PDIA5: variants seen among roughly 807,000 people sequenced by gnomAD.
The protein encoded by PDIA5 is protein disulfide-isomerase A5.
Under a neutral mutation model 77.6 loss-of-function variants are expected in PDIA5, and 58 were observed. The observed-to-expected ratio is 0.75, with a 90% CI of 0.61 to 0.93. The LOEUF is 0.93. Among genes scored for constraint, PDIA5 ranks in the 40% least tolerant of loss-of-function variants. PDIA5 has a pLI of 0.00. For synonymous variants in PDIA5, 250 were observed against 252.1 expected (o/e 0.99, Z 0.08); for missense variants, 630 against 647.7 (o/e 0.97, Z 0.30).
At chr3:123,151,807 T>TGCCTGCCTGGCCTGCCTTCCTGCCTG (rs1935907194) in intron 14 of PDIA5, among the ~76,000 whole-genome samples, 1 of 119,082 alleles carries the variant, frequency 8.4e-6, no homozygotes, top group Non-Finnish European at 1.7e-5. Flanking sequence ...CTGCCTGCCT[T>TGCCTGCCTGGCCTGCCTTCCTGCCTG]CCTGCCTGCC....
intron 1 of PDIA5, among the ~76,000 whole-genome samples, chr3:123,070,044 C>G (rs61701606): frequency 6.7e-6 from 1 of 149,104 alleles, no homozygotes; most frequent in Non-Finnish European, 1.5e-5. Context: ...GGGCTGAGAT[C>G]GCGCCACTGC....
chr3:123,074,380 G>A (rs1024754805), intron 1 of PDIA5, among the ~76,000 whole-genome samples: 5 of 152,202 alleles, frequency 3.3e-5, no homozygotes, highest in Non-Finnish European at 7.3e-5. Flanking sequence ...AATTCAAGGA[G>A]TCAGGAAAGC....
intron 14 of PDIA5, among the ~76,000 whole-genome samples, chr3:123,152,084 C>T (rs1481459187): frequency 3.2e-5 from 2 of 61,754 alleles, no homozygotes; most frequent in African/African-American, 2.1e-4. Context: ...TTCCTGCCTT[C>T]CTTCCTGCCT....
intron 15 of PDIA5, among the ~76,000 whole-genome samples, chr3:123,159,324 G>T (rs1397775685): frequency 2.0e-5 from 3 of 152,226 alleles, no homozygotes; most frequent in East Asian, 3.9e-4. Flanking sequence ...CCACAATTTG[G>T]CCAGGGGAGC....
At chr3:123,150,137 T>C in intron 13 of PDIA5, 97 bp from the exon 14 acceptor site, 1 of 811,408 alleles carries the variant, frequency 1.2e-6, no homozygotes, top group Non-Finnish European at 2.0e-6. Context: ...TCTTCATGCA[T>C]GTTCCCCCGA....
intron 10 of PDIA5, among the ~76,000 whole-genome samples, chr3:123,125,844 T>C (rs775234631): frequency 6.6e-6 from 1 of 152,210 alleles, no homozygotes; most frequent in Non-Finnish European, 1.5e-5. Context: ...AGCCCCTGCC[T>C]GGGAAGGCTG....
chr3:123,116,660 G>A (rs1295927565), intron 8 of PDIA5, among the ~76,000 whole-genome samples: 2 of 152,198 alleles, frequency 1.3e-5, no homozygotes, highest in Non-Finnish European at 1.5e-5. Context: ...CTGCTATGGA[G>A]CCCAGTGGCA....
intron 6 of PDIA5, among the ~76,000 whole-genome samples, chr3:123,107,886 T>A (rs1195111799): frequency 6.6e-6 from 1 of 151,924 alleles, no homozygotes; most frequent in African/African-American, 2.4e-5. Context: ...ACTGTAACCT[T>A]GAATTCCTGG....
chr3:123,083,479 A>G (rs182789174), intron 1 of PDIA5, among the ~76,000 whole-genome samples: 201 of 152,332 alleles, frequency 1.3e-3, no homozygotes, highest in African/African-American at 4.6e-3. Context: ...GTGAGCAGAA[A>G]GAAAGCAATT....
intron 11 of PDIA5, among the ~76,000 whole-genome samples, chr3:123,137,926 T>C (rs1365307228): frequency 6.6e-6 from 1 of 152,200 alleles, no homozygotes; most frequent in Non-Finnish European, 1.5e-5. Context: ...ATCTCTATTT[T>C]TCATTTGTCT....
chr3:123,142,595 G>A (rs1266378643), intron 11 of PDIA5, among the ~76,000 whole-genome samples: 1 of 152,204 alleles, frequency 6.6e-6, no homozygotes, highest in Non-Finnish European at 1.5e-5. Context: ...TGGAAGAAGG[G>A]TTTACCACTT....
At chr3:123,072,912 C>CTGTGTGTGTG (rs66567660) in intron 1 of PDIA5, among the ~76,000 whole-genome samples, 13,903 of 146,818 alleles carry the variant, frequency 0.095, 806 homozygotes, top group Non-Finnish European at 0.13. Context: ...ACCTCTCCTT[C>CTGTGTGTGTG]TGTGTGTGTG....
At chr3:123,134,153 AG>A (rs1323383022) in intron 11 of PDIA5, among the ~76,000 whole-genome samples, 2 of 151,950 alleles carry the variant, frequency 1.3e-5, no homozygotes, top group African/African-American at 4.8e-5. Flanking sequence ...CCTCCTGTGT[AG>A]TTGGGACTAC....
intron 15 of PDIA5, among the ~76,000 whole-genome samples, chr3:123,159,557 C>G (rs1272700577): frequency 6.6e-6 from 1 of 152,208 alleles, no homozygotes; most frequent in East Asian, 1.9e-4. Flanking sequence ...TAAAGAGAAG[C>G]TGGAAAGCCA....
intron 7 of PDIA5, among the ~76,000 whole-genome samples, chr3:123,115,926 A>G (rs1316789427): frequency 6.6e-6 from 1 of 152,246 alleles, no homozygotes; most frequent in Non-Finnish European, 1.5e-5. Flanking sequence ...TGAATTCATT[A>G]TCAGTGCTGA....
At chr3:123,087,767 T>G (rs191129107) in intron 1 of PDIA5, among the ~76,000 whole-genome samples, 3 of 152,230 alleles carry the variant, frequency 2.0e-5, no homozygotes, top group African/African-American at 7.2e-5. Flanking sequence ...GCACATTGAC[T>G]GGCAGCTCTG....
In PDIA5 at chr3:123,106,789, T is replaced by G; in HGVS notation, c.428T>G (p.Leu143Arg). 1 of 1,613,032 alleles carries G rather than the reference T, an allele frequency of 6.2e-7. No individual in the cohort carries two copies. Residue 143 changes from leucine to arginine, a missense_variant, in exon 6 of 17, where the codon CTG becomes CGG. By Grantham distance (102) the Leu-to-Arg change is moderately radical. Coordinates refer to ENST00000316218, the MANE Select transcript of PDIA5 (RefSeq NM_006810.4). ...AFLKDPKGPPLWEEDPGAKDV... is the reference protein window; with the variant it reads ...AFLKDPKGPPRWEEDPGAKDV... ...TTGAAGGATCCAAAAGGGCCCCCACTGTGGGAGGAAGATCCTGGAGCCAAA... is the reference window on the plus strand; with the variant it reads ...TTGAAGGATCCAAAAGGGCCCCCACGGTGGGAGGAAGATCCTGGAGCCAAA...
At chr3:123,091,364 G>A (rs189142273) in intron 2 of PDIA5, among the ~76,000 whole-genome samples, 521 of 152,232 alleles carry the variant, frequency 3.4e-3, no homozygotes, top group Admixed American at 5.3e-3. Context: ...GGTTTTTGGC[G>A]GGAGAAAGCA....
chr3:123,090,231 G>T (rs1356315637), intron 2 of PDIA5, among the ~76,000 whole-genome samples: 3 of 152,202 alleles, frequency 2.0e-5, no homozygotes, highest in Non-Finnish European at 4.4e-5. Context: ...CGAGTGCATT[G>T]TTGGGAGCCC....
Sources: allele counts gnomAD v4.1 joint callset (sites outside exome capture counted in the v4.1 genomes callset), GRCh38; gene constraint gnomAD v4.1.1; transcripts MANE v1.5; gene names NCBI Gene and HGNC (gene_info 2026-07-23, HGNC 2026-07-21).